Variants in POLB observed in about 807,000 individuals in gnomAD.
POLB encodes the protein 5'-dRP lyase.
POLB carries 37 observed loss-of-function variants against 52.7 expected under a neutral mutation model. That is an observed-to-expected ratio of 0.70 (90% CI 0.54 to 0.92). POLB has a LOEUF of 0.92. Ranked by LOEUF, POLB falls within the 40% of genes least tolerant of loss-of-function variation. The pLI, the probability that POLB is intolerant of heterozygous loss-of-function variation, is 0.00. For synonymous variants in POLB, 138 were observed against 131.3 expected (o/e 1.05, Z -0.35); for missense variants, 313 against 400.8 (o/e 0.78, Z 1.87).
At chr8:42,366,022 C>T (rs891694652) in intron 11 of POLB, among the ~76,000 whole-genome samples, 2 of 152,014 alleles carry the variant, frequency 1.3e-5, no homozygotes, top group Non-Finnish European at 1.5e-5. Flanking sequence ...ATCGCTTGAA[C>T]CAGGAAGGCA....
intron 9 of POLB, among the ~76,000 whole-genome samples, chr8:42,358,398 C>T (rs1002036793): frequency 5.9e-5 from 9 of 151,764 alleles, no homozygotes; most frequent in East Asian, 3.9e-4. Flanking sequence ...GCTCCTCGGG[C>T]GGCTGAGGCA....
At chr8:42,357,427 CT>C in intron 9 of POLB, 35 bp downstream of exon 9, 8 of 1,193,492 alleles carry the variant, frequency 6.7e-6, no homozygotes, top group Non-Finnish European at 8.7e-6. Flanking sequence ...TATTTTTGCC[CT>C]GATGTTAAAA....
Position 42,362,663 on chromosome 8 carries a change from A to C in POLB, c.673A>C (p.Thr225Pro). 6.2e-7 allele frequency: 1 copy of C among 1,609,852 alleles called. No individual in the cohort carries two copies. Among genetic ancestry groups the C allele is most frequent in the African/African-American group, 1.3e-5 (1 of 74,966 alleles). Reference protein sequence around the residue: ...VEQLQKVHFITDTLSKGETKF... With the variant: ...VEQLQKVHFIPDTLSKGETKF... ...GCAGTTACAAAAGGTTCATTTTATC[A>C]CAGATACCCTGTCAAAGGGTGAGAC... Residue 225 changes from threonine to proline, a missense_variant, in exon 11 of 14, where the codon ACA becomes CCA. By Grantham distance (38) the Thr-to-Pro change is conservative. Coordinates refer to ENST00000265421, the MANE Select transcript of POLB (RefSeq NM_002690.3).
Position 42,348,781 on chromosome 8 carries a change from GTTAATT to G in POLB, c.187-230_187-225del, listed in dbSNP as rs974473890. Among the ~76,000 whole-genome samples, 13 of 152,302 alleles carry G rather than the reference GTTAATT, an allele frequency of 8.5e-5. No homozygotes were observed. The South Asian group carries it at 1.4e-3, about 17-fold the overall frequency. ...TATACTGTGTAGCCATAAAACAAAAGTTAATTTTAAATAAGATATAATTATTTTCTC... is the reference window on the plus strand; with the variant it reads ...TATACTGTGTAGCCATAAAACAAAAGTTAAATAAGATATAATTATTTTCTC... On this transcript the variant is annotated intron_variant, in intron 3 of 13. Transcript: ENST00000265421.
intron 13 of POLB, among the ~76,000 whole-genome samples, chr8:42,371,167 A>G (rs149856166): frequency 1.1e-3 from 172 of 152,244 alleles, no homozygotes; most frequent in Middle Eastern, 3.4e-3. Flanking sequence ...CTTGTTGCCC[A>G]GGCTGGAGTG....
At chr8:42,361,543 T>G in intron 10 of POLB, 178 bp downstream of exon 10, 1 of 596,040 alleles carries the variant, frequency 1.7e-6, no homozygotes, top group Non-Finnish European at 3.0e-6. Context: ...ATACCTATTA[T>G]TCTTCCATGA....
Position 42,345,328 on chromosome 8 carries a change from A to AC in POLB, c.186+311dup, listed in dbSNP as rs1299420894. On this transcript the variant is annotated intron_variant, in intron 3 of 13. Coordinates refer to ENST00000265421, the MANE Select transcript of POLB (RefSeq NM_002690.3). ...TGAGTGTTGGTTTTTAAGAAGAGTG[A>AC]CCAAGTGGCACTAGCATATCTGGTC... 3.9e-5 allele frequency among the ~76,000 whole-genome samples: 6 copies of AC among 152,356 alleles called. No homozygotes were observed. In the East Asian group the frequency reaches 7.7e-4, roughly 20 times the overall value.
chr8:42,357,300 C>T lies in POLB; in HGVS notation c.478-20C>T. On this transcript the variant is annotated intron_variant, in intron 8 of 13. Coordinates refer to ENST00000265421, the MANE Select transcript of POLB (RefSeq NM_002690.3). Reference sequence around the variant, plus strand: ...TGAAAAGCCATTTTGGGAATACTGACTTAATTTTTCTTCTATTAGGATATT... The same window carrying T: ...TGAAAAGCCATTTTGGGAATACTGATTTAATTTTTCTTCTATTAGGATATT... 5 of 1,451,954 alleles carry T rather than the reference C, an allele frequency of 3.4e-6. No individual in the cohort carries two copies. The highest frequency in any genetic ancestry group is 4.8e-6 in the Non-Finnish European group (5 of 1,033,884). The allele number at this position is 1,451,954 out of a possible 1,614,324, so 89.9% of individuals were successfully genotyped here. A position where few individuals can be genotyped will look rare whatever the true frequency, so the allele number is the denominator to read the frequency against.
chr8:42,367,441 G>A (rs1225597213), intron 11 of POLB, among the ~76,000 whole-genome samples: 1 of 152,144 alleles, frequency 6.6e-6, no homozygotes, highest in Non-Finnish European at 1.5e-5. Flanking sequence ...AGATAGCCAG[G>A]CAGGAGTCCG....
intron 10 of POLB, 72 bp from the exon 11 acceptor site, chr8:42,362,540 A>C (rs1174399177): frequency 3.2e-6 from 3 of 940,454 alleles, no homozygotes; most frequent in African/African-American, 1.6e-5. Context: ...GTCTCTAAAA[A>C]TATTGTTAAA....
rs201735197 is a variant in POLB, at chr8:42,343,516, C to A, written c.120-1437C>A. On this transcript the variant is annotated intron_variant, in intron 2 of 13. Transcript: ENST00000265421. ...CACTCCAGCCTGGGTGACTCCATCT[C>A]AAAAAAAAAGTAACATAGGTATCCA... Among the ~76,000 whole-genome samples, 149 of 144,676 alleles carry A rather than the reference C, an allele frequency of 1.0e-3. 1 individual carries two copies. Among genetic ancestry groups the A allele is most frequent in the Non-Finnish European group, 1.9e-3 (123 of 66,120 alleles). The allele number at this position is 144,676 out of a possible 152,430, so 94.9% of individuals were successfully genotyped here.
rs1411959918 is a variant in POLB at position 42,342,340 on chromosome 8, T to C, written c.120-2613T>C. 2.6e-6 allele frequency: 4 copies of C among 1,510,758 alleles called. No homozygotes were observed. In the East Asian group the frequency reaches 6.7e-5, roughly 25 times the overall value. 93.6% of individuals were successfully genotyped at this position (1,510,758 alleles called of 1,614,324 possible). A position where few individuals can be genotyped will look rare whatever the true frequency, so the allele number is the denominator to read the frequency against. On this transcript the variant is annotated intron_variant, in intron 2 of 13. Coordinates refer to ENST00000265421, the MANE Select transcript of POLB (RefSeq NM_002690.3). ...GTGGGCCAGCAGCAGGCCAGTACAA[T>C]ATGTTGCAGCATAATTTGTCAGGCC... is the stretch of plus-strand genomic sequence containing the variant.
rs550208212 is a variant in POLB, at chr8:42,343,104, C to T, written c.120-1849C>T. Among the ~76,000 whole-genome samples the T allele has an allele frequency of 4.3e-3, 653 of 151,706 alleles. 2 individuals are homozygous for T. Among genetic ancestry groups the T allele is most frequent in the Middle Eastern group, 0.01 (3 of 294 alleles). The stretch of plus-strand genomic sequence containing the variant: ...TTGGGAGGCCAAGGCAGGCAGATCA[C>T]GAGGTCAGGAGATCGAGACCATCCT... On this transcript the variant is annotated intron_variant, in intron 2 of 13. Transcript: ENST00000265421.
chr8:42,341,606 T>C (rs1167893801), intron 2 of POLB, among the ~76,000 whole-genome samples: 1 of 152,164 alleles, frequency 6.6e-6, no homozygotes, highest in African/African-American at 2.4e-5. Flanking sequence ...GCTCCCAGGG[T>C]GTATCCAATC....
chr8:42,357,165 A>C lies in POLB; in HGVS notation c.423-4A>C. ...TCTTTTGTCTACTTATTCTGTCTTT[A>C]TAGATATTTTGGGGACTTTGAAAAA... is the stretch of plus-strand genomic sequence containing the variant. On this transcript the variant is annotated splice_region_variant and splice_polypyrimidine_tract_variant and intron_variant, in intron 7 of 13. Transcript: ENST00000265421. The C allele has an allele frequency of 2.7e-6, 4 of 1,484,612 alleles. No homozygotes were observed. Among genetic ancestry groups the C allele is most frequent in the Non-Finnish European group, 3.8e-6 (4 of 1,065,908 alleles). The allele number at this position is 1,484,612 out of a possible 1,614,324, so 92.0% of individuals were successfully genotyped here. A position where few individuals can be genotyped will look rare whatever the true frequency, so the allele number is the denominator to read the frequency against.
In POLB at chr8:42,357,378, G is replaced by A; in HGVS notation, c.536G>A (p.Gly179Asp). The A allele has an allele frequency of 6.4e-7, 1 of 1,570,882 alleles. No individual in the cohort carries two copies. The highest frequency in any genetic ancestry group is 8.8e-7 in the Non-Finnish European group (1 of 1,141,258). The change falls in exon 9 of 14, where the codon GGC becomes GAC. Residue 179 changes from glycine (G) to aspartate (D), a missense_variant. Physicochemically the swap from Gly to Asp is moderately conservative, Grantham distance 94. This residue lies in a region of POLB where 246 missense variants were observed against 297.6 expected (regional missense o/e 0.83). Transcript: ENST00000265421. ...TCTGAATACATTGCTACAGTCTGTG[G>A]CAGTTTCAGAAGAGGTAACATACTT... ...VDSEYIATVC[G>D]SFRRGAESSG...
intron 11 of POLB, among the ~76,000 whole-genome samples, chr8:42,366,285 C>G (rs1299312045): frequency 6.6e-6 from 1 of 152,110 alleles, no homozygotes; most frequent in South Asian, 2.1e-4. Context: ...ATCTTGACTT[C>G]CCTGTCTTTC....
chr8:42,364,764 T>C lies in POLB; in HGVS notation c.708+2066T>C, dbSNP rs1161454565. On this transcript the variant is annotated intron_variant, in intron 11 of 13. Coordinates refer to ENST00000265421, the MANE Select transcript of POLB (RefSeq NM_002690.3). ...TTAAATTGTCATGTCATTCAGAAAGTAGAGTGGTGTTTGCCAGGGCCTGGA... is the reference window on the plus strand; with the variant it reads ...TTAAATTGTCATGTCATTCAGAAAGCAGAGTGGTGTTTGCCAGGGCCTGGA... 2.6e-5 allele frequency among the ~76,000 whole-genome samples: 4 copies of C among 152,080 alleles called. No individual in the cohort carries two copies. The East Asian group carries it at 7.7e-4, about 29-fold the overall frequency.
At chr8:42,370,579 C>T (rs1419863801) in intron 13 of POLB, among the ~76,000 whole-genome samples, 3 of 152,144 alleles carry the variant, frequency 2.0e-5, no homozygotes, top group East Asian at 2.0e-4. Flanking sequence ...CAGTGCTTCT[C>T]ACAATTCAGT....
Sources: allele counts gnomAD v4.1 joint callset (sites outside exome capture counted in the v4.1 genomes callset), GRCh38; gene constraint gnomAD v4.1.1; regional missense constraint gnomAD v4.1.1; transcripts MANE v1.5; gene names NCBI Gene and HGNC (gene_info 2026-07-23, HGNC 2026-07-21).